Variants in PXDNL observed in about 807,000 individuals in gnomAD.
PXDNL encodes the protein peroxidasin like.
In PXDNL, 145 loss-of-function variants were observed where a neutral mutation model predicts 150.8. That is an observed-to-expected ratio of 0.96 (90% CI 0.84 to 1.10). PXDNL has a LOEUF of 1.10. Among genes scored for constraint, PXDNL ranks in the 50% least tolerant of loss-of-function variants. PXDNL has a pLI of 0.00. For synonymous variants in PXDNL, 757 were observed against 725.7 expected, an observed-to-expected ratio of 1.04 and a Z score of -0.69; for missense variants, 2,087 against 1,873.9, an observed-to-expected ratio of 1.11 and a Z score of -2.10.
intron 1 of PXDNL, among the ~76,000 whole-genome samples, chr8:51,718,289 G>A (rs1252185445): frequency 6.6e-6 from 1 of 152,082 alleles, no homozygotes; most frequent in African/African-American, 2.4e-5. Context: ...GGAGGAGCTG[G>A]GAGATTGTGG....
intron 4 of PXDNL, among the ~76,000 whole-genome samples, chr8:51,548,378 C>A (rs966879531): frequency 2.0e-5 from 3 of 152,066 alleles, no homozygotes; most frequent in Non-Finnish European, 4.4e-5. Flanking sequence ...CATCACCTAG[C>A]CACATAGTTA....
intron 4 of PXDNL, among the ~76,000 whole-genome samples, chr8:51,514,422 C>T (rs1401443857): frequency 2.6e-5 from 4 of 152,156 alleles, no homozygotes; most frequent in Non-Finnish European, 4.4e-5. Context: ...ACGGAACCAT[C>T]CCTGGATGAA....
intron 12 of PXDNL, among the ~76,000 whole-genome samples, chr8:51,428,265 G>T (rs1303653789): frequency 6.6e-6 from 1 of 152,104 alleles, no homozygotes; most frequent in Non-Finnish European, 1.5e-5. Flanking sequence ...AAAGTCTAAA[G>T]ACAGTAAAGA....
intron 10 of PXDNL, among the ~76,000 whole-genome samples, chr8:51,451,300 G>A (rs955365827): frequency 6.6e-6 from 1 of 152,118 alleles, no homozygotes; most frequent in Non-Finnish European, 1.5e-5. Flanking sequence ...TAAGAAAATA[G>A]TCAATTTACA....
intron 14 of PXDNL, among the ~76,000 whole-genome samples, chr8:51,418,636 GTAAATGCTCAA>G (rs1808864765): frequency 6.6e-6 from 1 of 152,144 alleles, no homozygotes; most frequent in East Asian, 1.9e-4. Context: ...GGAACACATG[GTAAATGCTCAA>G]TAAATGTTAA....
chr8:51,480,489 G>T (rs1312557278), intron 6 of PXDNL, among the ~76,000 whole-genome samples: 1 of 152,146 alleles, frequency 6.6e-6, no homozygotes, highest in Non-Finnish European at 1.5e-5. Flanking sequence ...ACAGCACCCA[G>T]CCAGGAAGGA....
At chr8:51,483,801 A>C in intron 5 of PXDNL, 87 bp from the exon 6 acceptor site, 1 of 755,388 alleles carries the variant, frequency 1.3e-6, no homozygotes, top group Non-Finnish European at 2.2e-6. Flanking sequence ...CTGTGAATCC[A>C]ATACCTTTTT....
chr8:51,401,841 G>A (rs1483893457), intron 17 of PXDNL, among the ~76,000 whole-genome samples: 1 of 152,158 alleles, frequency 6.6e-6, no homozygotes, highest in African/African-American at 2.4e-5. Flanking sequence ...AACAATCACT[G>A]TTTTACAGCA....
At chr8:51,740,051 T>C (rs941885419) in intron 1 of PXDNL, among the ~76,000 whole-genome samples, 9 of 152,094 alleles carry the variant, frequency 5.9e-5, no homozygotes, top group Middle Eastern at 3.4e-3. Context: ...CTAATGAATA[T>C]CTAAATAAAT....
chr8:51,336,788 T>C (rs929267857), intron 21 of PXDNL, among the ~76,000 whole-genome samples: 2 of 152,236 alleles, frequency 1.3e-5, no homozygotes, highest in African/African-American at 4.8e-5. Flanking sequence ...TCACTCAGTG[T>C]ACATGAGGCA....
chr8:51,548,185 T>C (rs1306614348), intron 4 of PXDNL, among the ~76,000 whole-genome samples: 1 of 150,670 alleles, frequency 6.6e-6, no homozygotes, highest in Non-Finnish European at 1.5e-5. Context: ...CTCCCAGAAA[T>C]TTTGGATTAT....
At chr8:51,767,754 T>C (rs2037247551) in intron 1 of PXDNL, among the ~76,000 whole-genome samples, 1 of 152,220 alleles carries the variant, frequency 6.6e-6, no homozygotes, top group South Asian at 2.1e-4. Context: ...GTTTTCTAGA[T>C]TTTCCTTTTA....
At position 51,386,499 on chromosome 8, in the gene PXDNL, A is replaced by G. The variant is rs183457354; in HGVS notation, c.3558-11768T>C. On this transcript the variant is annotated intron_variant, in intron 17 of 22. Coordinates refer to ENST00000356297, the MANE Select transcript of PXDNL (RefSeq NM_144651.5). ...AAGAGATAAAGATAGATACAGAGAG[A>G]TGACAGAGAATTAGAAGCAAGTGAT... Among the ~76,000 whole-genome samples the G allele has an allele frequency of 2.1e-3, 317 of 152,306 alleles. 1 individual carries two copies. The highest frequency in any genetic ancestry group is 7.0e-3 in the African/African-American group (292 of 41,558).
chr8:51,403,873 A>C (rs758958594), intron 17 of PXDNL, among the ~76,000 whole-genome samples: 3 of 152,164 alleles, frequency 2.0e-5, no homozygotes, highest in African/African-American at 4.8e-5. Flanking sequence ...GCGGACCCTC[A>C]CGGTGAGTGT....
intron 17 of PXDNL, among the ~76,000 whole-genome samples, chr8:51,376,710 C>CTT (rs1216078319): frequency 4.7e-5 from 7 of 150,258 alleles, no homozygotes; most frequent in African/African-American, 1.7e-4. Context: ...TTTTGCTTCT[C>CTT]TTCTCTCTCT....
intron 2 of PXDNL, among the ~76,000 whole-genome samples, chr8:51,619,090 C>A (rs62505327): frequency 0.017 from 2,656 of 152,254 alleles, 35 homozygotes; most frequent in Non-Finnish European, 0.028. Flanking sequence ...CTCTCTCTGA[C>A]CTGCTCTTCT....
chr8:51,754,567 G>A (rs1195744777), intron 1 of PXDNL, among the ~76,000 whole-genome samples: 3 of 151,892 alleles, frequency 2.0e-5, no homozygotes, highest in Admixed American at 1.3e-4. Flanking sequence ...CCAATGGCGC[G>A]ATCTCAGCTC....
Position 51,371,897 on chromosome 8 carries a change from G to A in PXDNL, c.3877C>T (p.Arg1293Ter), listed in dbSNP as rs375916936. The change falls in exon 19 of 23, where the codon CGA (arginine) becomes TGA (stop). Residue 1293 changes from arginine to a stop codon, truncating the protein, a stop_gained. Coordinates refer to ENST00000356297, the MANE Select transcript of PXDNL (RefSeq NM_144651.5). LOFTEE classifies it high-confidence loss of function. ...CCTGCACAGCAGTCTTGCCACACTC[G>A]CAGGTCCACCTTCGGGATCTCGCTG... ...NCSEIPKVDLRVWQDCCADCR... is the reference protein window; with the variant it reads ...NCSEIPKVDL 51 of 1,613,640 alleles carry A rather than the reference G, an allele frequency of 3.2e-5. No individual in the cohort carries two copies. Among genetic ancestry groups the A allele is most frequent in the African/African-American group, 5.3e-5 (4 of 74,902 alleles).
intron 12 of PXDNL, among the ~76,000 whole-genome samples, chr8:51,430,291 C>T (rs1809219316): frequency 6.6e-6 from 1 of 152,218 alleles, no homozygotes; most frequent in Non-Finnish European, 1.5e-5. Context: ...CTTCTAGTCT[C>T]ATTCCCTTTC....
Sources: allele counts gnomAD v4.1 joint callset (sites outside exome capture counted in the v4.1 genomes callset), GRCh38; gene constraint gnomAD v4.1.1; transcripts MANE v1.5; gene names NCBI Gene and HGNC (gene_info 2026-07-23, HGNC 2026-07-21).